The following WDR7 variants were observed in gnomAD, a reference collection of about 807,000 sequenced individuals.
WDR7 encodes WD repeat-containing protein 7.
In WDR7, 46 loss-of-function variants were observed where a neutral mutation model predicts 169.4. The observed-to-expected ratio is 0.27, with a 90% confidence interval of 0.21 to 0.35. WDR7 has a LOEUF of 0.35. Ranked by LOEUF, WDR7 falls within the 10% of genes least tolerant of loss-of-function variation. The pLI, the probability that WDR7 is intolerant of heterozygous loss-of-function variation, is 1.00. For synonymous variants in WDR7, 612 were observed against 666.8 expected (o/e 0.92, Z 1.27); for missense variants, 1,534 against 1,859.3 (o/e 0.83, Z 3.22).
intron 19 of WDR7, among the ~76,000 whole-genome samples, chr18:56,791,420 A>G (rs1415168590): frequency 6.6e-6 from 1 of 152,180 alleles, no homozygotes; most frequent in African/African-American, 2.4e-5. Flanking sequence ...ATATATCTTT[A>G]TATCTTGGAT....
chr18:56,932,502 G>A (rs780096908), intron 22 of WDR7, among the ~76,000 whole-genome samples: 2 of 152,188 alleles, frequency 1.3e-5, no homozygotes, highest in Non-Finnish European at 2.9e-5. Flanking sequence ...GAAGGATGAC[G>A]TGTGGCTAGG....
At chr18:56,656,281 T>TC (rs2024769405) in intron 1 of WDR7, among the ~76,000 whole-genome samples, 1 of 147,122 alleles carries the variant, frequency 6.8e-6, no homozygotes. Flanking sequence ...CTGTCACTGT[T>TC]TTTTTTTTTT....
intron 19 of WDR7, among the ~76,000 whole-genome samples, chr18:56,802,471 C>T (rs2044692339): frequency 6.6e-6 from 1 of 151,928 alleles, no homozygotes. Flanking sequence ...CATTCTCCTG[C>T]CTCAGCCTCC....
chr18:56,769,187 T>A (rs1319772563), intron 16 of WDR7, among the ~76,000 whole-genome samples: 1 of 152,052 alleles, frequency 6.6e-6, no homozygotes, highest in Non-Finnish European at 1.5e-5. Flanking sequence ...TAAATATAGC[T>A]GTAAGTCTGC....
At chr18:56,834,727 C>T (rs1287977159) in intron 20 of WDR7, among the ~76,000 whole-genome samples, 1 of 152,132 alleles carries the variant, frequency 6.6e-6, no homozygotes, top group Non-Finnish European at 1.5e-5. Flanking sequence ...CTTTAGAAGG[C>T]ATCCCACATT....
chr18:56,771,263 T>C (rs998385761), intron 16 of WDR7, among the ~76,000 whole-genome samples: 4 of 152,228 alleles, frequency 2.6e-5, no homozygotes, highest in African/African-American at 9.6e-5. Flanking sequence ...ATAGTACTTA[T>C]ATGATGTTCA....
intron 21 of WDR7, among the ~76,000 whole-genome samples, chr18:56,914,762 G>C (rs1442673674): frequency 6.6e-6 from 1 of 152,146 alleles, no homozygotes; most frequent in African/African-American, 2.4e-5. Context: ...CTAGGTAGAA[G>C]ACGGCTACAT....
At chr18:56,857,459 G>A (rs2045738646) in intron 20 of WDR7, among the ~76,000 whole-genome samples, 2 of 151,946 alleles carry the variant, frequency 1.3e-5, no homozygotes. Flanking sequence ...GGTTCTCTGT[G>A]TTGCCCAGGC....
intron 20 of WDR7, among the ~76,000 whole-genome samples, chr18:56,871,852 C>T (rs749926150): frequency 1.2e-4 from 18 of 151,892 alleles, no homozygotes; most frequent in Middle Eastern, 3.2e-3. Context: ...ATTATCTTGA[C>T]GGGAGTTCTG....
In WDR7 at chr18:56,686,094, T is replaced by G. The variant is rs192244767; in HGVS notation, c.597+62T>G. 16 of 1,369,274 alleles carry G rather than the reference T, an allele frequency of 1.2e-5. No homozygotes were observed. In the Admixed American group the frequency reaches 2.4e-4, roughly 21 times the overall value. 84.8% of individuals were successfully genotyped at this position (1,369,274 alleles called of 1,614,324 possible). A position where few individuals can be genotyped will look rare whatever the true frequency, so the allele number is the denominator to read the frequency against. ...TATTCTCTGTAGCTCAAAATTTTAG[T>G]AATGATATGCCCCTTCCATTTTTTT... On this transcript the variant is annotated intron_variant, in intron 6 of 27. Transcript: ENST00000254442.
At chr18:56,714,893 C>A (rs1294325312) in intron 12 of WDR7, among the ~76,000 whole-genome samples, 1 of 151,850 alleles carries the variant, frequency 6.6e-6, no homozygotes, top group Non-Finnish European at 1.5e-5. Flanking sequence ...TTTTTTTTAA[C>A]CTTCAGAAAA....
At chr18:57,022,250 C>T (rs1055612157) in intron 27 of WDR7, among the ~76,000 whole-genome samples, 4 of 152,212 alleles carry the variant, frequency 2.6e-5, no homozygotes, top group Non-Finnish European at 5.9e-5. Context: ...CGCCGCCACT[C>T]GTGTCTAACT....
rs200226728 is a variant in WDR7, at chr18:56,695,186, A to G, written c.1345A>G (p.Met449Val). ...AGTACAGCTGTTGCAAGGGGAACAC[A>G]TGCTCAGAAGAGGTATACTGAAGAG... ...AIVQLLQGEH[M>V]LRRGWPPHRT... Residue 449 changes from methionine to valine, a missense_variant, in exon 11 of 28, where the codon ATG becomes GTG. Coordinates refer to ENST00000254442, the MANE Select transcript of WDR7 (RefSeq NM_015285.3). 191 of 1,614,184 alleles carry G rather than the reference A, an allele frequency of 1.2e-4. No homozygotes were observed. In the Admixed American group the frequency reaches 2.5e-3, roughly 21 times the overall value.
chr18:56,704,553 G>A (rs983546573), intron 12 of WDR7, among the ~76,000 whole-genome samples: 4 of 152,168 alleles, frequency 2.6e-5, no homozygotes, highest in South Asian at 2.1e-4. Context: ...TGAATATTAT[G>A]TATACATTCA....
chr18:56,922,535 A>G (rs1357177734), intron 21 of WDR7, among the ~76,000 whole-genome samples: 4 of 152,246 alleles, frequency 2.6e-5, no homozygotes, highest in Non-Finnish European at 4.4e-5. Flanking sequence ...AGTAAAATTT[A>G]CAAATACACA....
At chr18:56,702,304 A>G (rs1009844607) in intron 12 of WDR7, among the ~76,000 whole-genome samples, 2 of 152,152 alleles carry the variant, frequency 1.3e-5, no homozygotes, top group South Asian at 4.1e-4. Context: ...TAAAGAGTCT[A>G]TTGTCCAAGA....
At chr18:56,681,998 G>A (rs192258613) in intron 4 of WDR7, among the ~76,000 whole-genome samples, 22 of 151,968 alleles carry the variant, frequency 1.4e-4, no homozygotes, top group Admixed American at 7.9e-4. Context: ...GTTGAGTGTT[G>A]GAAAAATTAT....
intron 19 of WDR7, chr18:56,782,271 A>G (rs1415775086): frequency 6.6e-6 from 1 of 152,180 alleles, no homozygotes; most frequent in Non-Finnish European, 1.5e-5. Context: ...GTATTTTGCT[A>G]TCATAATGAG....
chr18:56,873,905 CATTT>C (rs1286691303), intron 20 of WDR7: 16 of 152,234 alleles, frequency 1.1e-4, no homozygotes, highest in Admixed American at 7.2e-4. Context: ...TGCGATCATT[CATTT>C]GTCAGCTAAG....
Sources: gnomAD v4.1 joint callset for allele counts (sites outside exome capture counted in the v4.1 genomes callset) on GRCh38, gnomAD v4.1.1 for gene constraint, MANE v1.5 for transcripts, NCBI Gene and HGNC (gene_info 2026-07-23, HGNC 2026-07-21) for gene names.